The following ARHGAP17 variants were observed in gnomAD, a reference collection of about 807,000 sequenced individuals.
The protein encoded by ARHGAP17 is Rho GTPase activating protein 17.
Under a neutral mutation model 99.5 loss-of-function variants are expected in ARHGAP17, and 57 were observed. The observed-to-expected ratio is 0.57, with a 90% CI of 0.46 to 0.71. The LOEUF is 0.71. Ranked by LOEUF, ARHGAP17 falls within the 30% of genes least tolerant of loss-of-function variation. The pLI is 0.00. For missense variants in ARHGAP17, 1,000 were observed against 1,122.4 expected (o/e 0.89, Z 1.56); for synonymous variants, 417 against 429.6 (o/e 0.97, Z 0.36).
chr16:24,975,235 A>C (rs532289849), intron 3 of ARHGAP17, among the ~76,000 whole-genome samples: 1 of 152,362 alleles, frequency 6.6e-6, no homozygotes, highest in East Asian at 1.9e-4. Flanking sequence ...CAGAGAGTCA[A>C]CACAGAAGGA....
intron 14 of ARHGAP17, among the ~76,000 whole-genome samples, chr16:24,946,994 C>T (rs1173573353): frequency 1.3e-5 from 2 of 152,160 alleles, no homozygotes; most frequent in Admixed American, 6.6e-5. Flanking sequence ...AAGTTACTCT[C>T]CAAAGTGATG....
rs1194081496 is a variant in ARHGAP17 at position 24,955,034 on chromosome 16, G to A, written c.725-304C>T. ...CACACTTCATCAACACACGCCAGCG[G>A]GTTTAGTGGGCTGCCTTGAACCAAA... On this transcript the variant is annotated intron_variant, in intron 9 of 19. Transcript: ENST00000289968. This position sits in a 1 kb window ranked among gnomAD's most constrained non-coding sequence, Gnocchi z 4.0. 3 of 288,134 alleles carry A rather than the reference G, an allele frequency of 1.0e-5. No homozygotes were observed. The highest frequency in any genetic ancestry group is 1.9e-5 in the Non-Finnish European group (3 of 155,856). 17.8% of individuals were successfully genotyped at this position (288,134 alleles called of 1,614,324 possible). A position where few individuals can be genotyped will look rare whatever the true frequency, so the allele number is the denominator to read the frequency against.
At chr16:25,004,937 T>C (rs2053466344) in intron 1 of ARHGAP17, among the ~76,000 whole-genome samples, 1 of 152,188 alleles carries the variant, frequency 6.6e-6, no homozygotes, top group South Asian at 2.1e-4. Flanking sequence ...GTTTTTGAGA[T>C]GGAGTCTCAC....
At chr16:25,014,688 G>A (rs561211847) in intron 1 of ARHGAP17, among the ~76,000 whole-genome samples, 66 of 152,334 alleles carry the variant, frequency 4.3e-4, no homozygotes, top group African/African-American at 1.6e-3. Context: ...AGCAAATCCG[G>A]CTGGCTTTCA....
intron 1 of ARHGAP17, among the ~76,000 whole-genome samples, chr16:25,000,467 C>T (rs1310566007): frequency 6.6e-6 from 1 of 152,138 alleles, no homozygotes; most frequent in Non-Finnish European, 1.5e-5. Flanking sequence ...ACCATGTGGA[C>T]GGCTTTTCTT....
In ARHGAP17 at chr16:24,931,178, T is replaced by C. The variant is rs141170642; in HGVS notation, c.2121A>G (p.Pro707=). The C allele has an allele frequency of 7.1e-5, 113 of 1,586,768 alleles. No homozygotes were observed. The African/African-American group carries it at 1.5e-3, about 21-fold the overall frequency. Residue 707 remains proline (P), a synonymous_variant, in exon 19 of 20, where the codon CCA becomes CCG. Transcript: ENST00000289968. ...APRRYSSSLS[P]IQAPNHPPPQ... is the part of the protein sequence containing the mutation. ...GCGGTGGGTGATTGGGAGCTTGGAT[T>C]GGAGACAAGCTGCTGGAGTACCTCC...
chr16:24,968,768 T>C lies in ARHGAP17; in HGVS notation c.277A>G (p.Met93Val). 1 of 1,614,186 alleles carries C rather than the reference T, an allele frequency of 6.2e-7. No individual in the cohort carries two copies. The highest frequency in any genetic ancestry group is 1.7e-5 in the Admixed American group (1 of 60,022). ...TQLEDSLLGK[M>V]LETCGDAENQ... ...TCAGCATCTCCACACGTCTCCAGCATCTTCCTTTAAAAACAAGACCCCCAA... is the reference window on the plus strand; with the variant it reads ...TCAGCATCTCCACACGTCTCCAGCACCTTCCTTTAAAAACAAGACCCCCAA... The change falls in exon 5 of 20, where the codon ATG (methionine) becomes GTG (valine). Residue 93 changes from methionine to valine, a missense_variant. Met to Val is a conservative substitution (Grantham distance 21). Around this residue, in one of 2 missense-constraint regions of ARHGAP17, gnomAD observed 472 missense variants for 611.1 expected, o/e 0.77. Coordinates refer to ENST00000289968, the MANE Select transcript of ARHGAP17 (RefSeq NM_001006634.3).
chr16:24,954,042 GA>G (rs113235964), intron 10 of ARHGAP17, among the ~76,000 whole-genome samples: 67 of 142,956 alleles, frequency 4.7e-4, no homozygotes, highest in East Asian at 8.0e-4. Flanking sequence ...CTTTAAAAAG[GA>G]AAAAAAAAAA....
At chr16:24,932,470 G>A (rs2051020845) in intron 18 of ARHGAP17, among the ~76,000 whole-genome samples, 1 of 151,988 alleles carries the variant, frequency 6.6e-6, no homozygotes, top group Non-Finnish European at 1.5e-5. Context: ...CGCAGAAAGA[G>A]GCAGAACAGC....
At position 24,943,816 on chromosome 16, in the gene ARHGAP17, C is replaced by T. The variant is rs754677058; in HGVS notation, c.1288G>A (p.Val430Met). The T allele has an allele frequency of 9.3e-6, 15 of 1,614,108 alleles. No individual in the cohort carries two copies. Among genetic ancestry groups the T allele is most frequent in the Non-Finnish European group, 1.3e-5 (15 of 1,180,048 alleles). The change falls in exon 15 of 20, where the codon GTG becomes ATG. Residue 430 changes from valine (V) to methionine (M), a missense_variant. By Grantham distance (21) the Val-to-Met change is conservative. Around this residue, in one of 2 missense-constraint regions of ARHGAP17, gnomAD observed 472 missense variants for 611.1 expected, o/e 0.77. Coordinates refer to ENST00000289968, the MANE Select transcript of ARHGAP17 (RefSeq NM_001006634.3). ...GCATGCTGAATGATGGGTTCAATCA[C>T]TGCAACCACATGGACGGATGTGGCT... Reference protein sequence around the residue: ...AAATSVHVVAVIEPIIQHADW... With the variant: ...AAATSVHVVAMIEPIIQHADW...
chr16:24,970,974 C>G (rs2052344429), intron 3 of ARHGAP17, among the ~76,000 whole-genome samples: 1 of 152,158 alleles, frequency 6.6e-6, no homozygotes, highest in African/African-American at 2.4e-5. Context: ...CTTCCAGGTT[C>G]AAGCAACTCT....
intron 1 of ARHGAP17, among the ~76,000 whole-genome samples, chr16:25,012,639 C>T (rs1366756815): frequency 6.6e-6 from 1 of 152,198 alleles, no homozygotes; most frequent in Non-Finnish European, 1.5e-5. Context: ...CGTTTATCTT[C>T]CTTAGTCCTT....
Position 24,952,914 on chromosome 16 carries a change from C to T in ARHGAP17, c.964+17G>A. The T allele has an allele frequency of 1.2e-6, 2 of 1,610,892 alleles. No individual in the cohort carries two copies. The highest frequency in any genetic ancestry group is 1.7e-6 in the Non-Finnish European group (2 of 1,177,382). On this transcript the variant is annotated intron_variant, in intron 11 of 19. Transcript: ENST00000289968. ...CCTTGAGGGTGACTTGATTTGCAGA[C>T]ACTCTTTGGCGCTCACCTGCTACAG... is the stretch of plus-strand genomic sequence containing the variant.
chr16:24,938,149 G>A (rs974228412), intron 17 of ARHGAP17, among the ~76,000 whole-genome samples: 4 of 152,162 alleles, frequency 2.6e-5, no homozygotes, highest in Non-Finnish European at 5.9e-5. Context: ...ATCACCTGAG[G>A]TCAGGAGTTT....
chr16:24,987,473 G>C lies in ARHGAP17; in HGVS notation c.54-8468C>G, dbSNP rs112120562. On this transcript the variant is annotated intron_variant, in intron 1 of 19. Coordinates refer to ENST00000289968, the MANE Select transcript of ARHGAP17 (RefSeq NM_001006634.3). ...ATCCAAATTCTTCTTACTCAGAAGG[G>C]GGATTTCTACGTTTTCCCAACTTGC... is the stretch of plus-strand genomic sequence containing the variant. 3.7e-3 allele frequency among the ~76,000 whole-genome samples: 558 copies of C among 152,218 alleles called. 8 individuals are homozygous for C. The highest frequency in any genetic ancestry group is 0.013 in the African/African-American group (537 of 41,530).
intron 6 of ARHGAP17, among the ~76,000 whole-genome samples, chr16:24,966,548 G>A (rs995867628): frequency 1.3e-5 from 2 of 151,956 alleles, no homozygotes; most frequent in East Asian, 1.9e-4. Context: ...CAGGAGTATC[G>A]CTTGAACCCA....
chr16:24,991,146 C>T (rs753553798), intron 1 of ARHGAP17, among the ~76,000 whole-genome samples: 34 of 152,138 alleles, frequency 2.2e-4, no homozygotes, highest in Non-Finnish European at 4.3e-4. Context: ...TCAAACATAC[C>T]AGACTTTGAA....
At chr16:24,935,777 C>G (rs1407138452) in intron 17 of ARHGAP17, 138 bp from the exon 18 acceptor site, 32 of 896,140 alleles carry the variant, frequency 3.6e-5, no homozygotes, top group Non-Finnish European at 5.1e-5. Context: ...CTAACTAGCT[C>G]ACACTGGGCT....
chr16:24,937,639 A>C (rs2152454958), intron 17 of ARHGAP17, among the ~76,000 whole-genome samples: 1 of 152,280 alleles, frequency 6.6e-6, no homozygotes, highest in Admixed American at 6.5e-5. Flanking sequence ...TTAACCCCAA[A>C]GTAAACTTTC....
Sources: allele counts gnomAD v4.1 joint callset (sites outside exome capture counted in the v4.1 genomes callset), GRCh38; gene constraint gnomAD v4.1.1; regional missense constraint gnomAD v4.1.1; non-coding constraint Gnocchi (gnomAD v3.1); transcripts MANE v1.5; gene names NCBI Gene and HGNC (gene_info 2026-07-23, HGNC 2026-07-21).